Variants in SPIDR observed in about 807,000 individuals in gnomAD.
SPIDR encodes DNA repair-scaffolding protein.
A neutral mutation model predicts 104.6 loss-of-function variants in SPIDR; 93 were observed. The ratio of observed to expected loss-of-function variants is 0.89; its 90% CI spans 0.75 to 1.06. The LOEUF (loss-of-function observed/expected upper bound fraction) is 1.06. Ranked by LOEUF, SPIDR falls within the 50% of genes least tolerant of loss-of-function variation. SPIDR has a pLI of 0.00. For missense variants in SPIDR, 1,154 were observed against 1,111.2 expected (o/e 1.04, Z -0.55); for synonymous variants, 431 against 416.9 (o/e 1.03, Z -0.41).
At chr8:47,570,614 A>C (rs1368439941) in intron 8 of SPIDR, among the ~76,000 whole-genome samples, 1 of 152,228 alleles carries the variant, frequency 6.6e-6, no homozygotes, top group Non-Finnish European at 1.5e-5. Flanking sequence ...AAGAAAGTGA[A>C]AAGTTAACCC....
chr8:47,348,728 A>G (rs2154279863), intron 5 of SPIDR, among the ~76,000 whole-genome samples: 1 of 152,096 alleles, frequency 6.6e-6, no homozygotes, highest in Non-Finnish European at 1.5e-5. Flanking sequence ...TCTGTCTTCC[A>G]CTTCAATGAA....
In SPIDR at chr8:47,486,081, T is replaced by A. The variant is rs564458075; in HGVS notation, c.1097+45539T>A. Among the ~76,000 whole-genome samples the A allele has an allele frequency of 2.5e-4, 38 of 152,240 alleles. No homozygotes were observed. The East Asian group carries it at 6.0e-3, about 24-fold the overall frequency. Reference sequence around the variant, plus strand: ...AGCTAAAGGAAGAAGTTTGAACCCATCGCAAAGCAGCTAAAAACCTTGAAA... The same window carrying A: ...AGCTAAAGGAAGAAGTTTGAACCCAACGCAAAGCAGCTAAAAACCTTGAAA... On this transcript the variant is annotated intron_variant, in intron 8 of 19. Transcript: ENST00000297423.
At chr8:47,594,196 CAAAAAAAA>C (rs372928071) in intron 8 of SPIDR, among the ~76,000 whole-genome samples, 49 of 53,576 alleles carry the variant, frequency 9.1e-4, no homozygotes, top group Middle Eastern at 0.016. Context: ...CCAGTCTCTA[CAAAAAAAA>C]AAAAAAAAAA....
At position 47,703,636 on chromosome 8, in the gene SPIDR, AT is replaced by A. The variant is rs1431680372; in HGVS notation, c.1977+1626del. Among the ~76,000 whole-genome samples the A allele has an allele frequency of 2.6e-5, 4 of 152,218 alleles. No homozygotes were observed. The East Asian group carries it at 7.7e-4, about 29-fold the overall frequency. On this transcript the variant is annotated intron_variant, in intron 14 of 19. Coordinates refer to ENST00000297423, the MANE Select transcript of SPIDR (RefSeq NM_001080394.4). ...GACACCAAAATTTGAATTTAACTTA[AT>A]TTTTACTTGTCACAAAATATTCTTA...
intron 5 of SPIDR, among the ~76,000 whole-genome samples, chr8:47,350,822 C>T (rs1230488095): frequency 6.6e-6 from 1 of 152,108 alleles, no homozygotes; most frequent in Non-Finnish European, 1.5e-5. Context: ...CCCCTTTATC[C>T]ACAGTTTGGT....
At chr8:47,329,452 T>C (rs1208122324) in intron 5 of SPIDR, among the ~76,000 whole-genome samples, 1 of 152,134 alleles carries the variant, frequency 6.6e-6, no homozygotes, top group African/African-American at 2.4e-5. Flanking sequence ...AAGTGGTCTG[T>C]CCACCTTGGC....
At chr8:47,422,557 C>T (rs782468106) in intron 7 of SPIDR, among the ~76,000 whole-genome samples, 15 of 152,230 alleles carry the variant, frequency 9.9e-5, no homozygotes, top group African/African-American at 2.2e-4. Flanking sequence ...TTGTGCTTCC[C>T]GGGTGAGGCG....
At chr8:47,484,169 A>AT (rs2154362889) in intron 8 of SPIDR, among the ~76,000 whole-genome samples, 1 of 152,352 alleles carries the variant, frequency 6.6e-6, no homozygotes, top group East Asian at 1.9e-4. Context: ...GTCACTTAAT[A>AT]AAGTGCGGAA....
At chr8:47,657,722 TA>T (rs1379013333) in intron 10 of SPIDR, among the ~76,000 whole-genome samples, 1 of 152,068 alleles carries the variant, frequency 6.6e-6, no homozygotes, top group East Asian at 1.9e-4. Context: ...ATTAACTCAA[TA>T]AAAATTTCAA....
intron 16 of SPIDR, among the ~76,000 whole-genome samples, chr8:47,718,211 G>A (rs939590648): frequency 6.6e-6 from 1 of 152,228 alleles, no homozygotes; most frequent in African/African-American, 2.4e-5. Flanking sequence ...TCCATGTGCA[G>A]TAGAGAGGGC....
intron 8 of SPIDR, among the ~76,000 whole-genome samples, chr8:47,536,200 T>C (rs1307242402): frequency 6.6e-6 from 1 of 152,130 alleles, no homozygotes; most frequent in Non-Finnish European, 1.5e-5. Context: ...CTCAATGTTA[T>C]TAAGATGTCA....
intron 2 of SPIDR, among the ~76,000 whole-genome samples, chr8:47,283,368 TG>T (rs1477765241): frequency 6.6e-6 from 1 of 152,220 alleles, no homozygotes; most frequent in Non-Finnish European, 1.5e-5. Context: ...TCTCTTATAT[TG>T]GTTTTGACTG....
At chr8:47,301,335 T>C (rs926256622) in intron 5 of SPIDR, among the ~76,000 whole-genome samples, 2 of 152,224 alleles carry the variant, frequency 1.3e-5, no homozygotes, top group African/African-American at 4.8e-5. Context: ...AGCCTATGTG[T>C]GTCTCTGCAC....
At chr8:47,710,782 A>G (rs1049732678) in intron 14 of SPIDR, among the ~76,000 whole-genome samples, 8 of 147,500 alleles carry the variant, frequency 5.4e-5, no homozygotes, top group African/African-American at 1.7e-4. Flanking sequence ...AATTTTTTTA[A>G]TTTTTTTTTT....
At chr8:47,403,799 T>G (rs2062283914) in intron 6 of SPIDR, among the ~76,000 whole-genome samples, 1 of 152,198 alleles carries the variant, frequency 6.6e-6, no homozygotes, top group South Asian at 2.1e-4. Flanking sequence ...ATAGATTCAA[T>G]GCCATCCCCA....
At chr8:47,678,600 G>C (rs1272752357) in intron 11 of SPIDR, among the ~76,000 whole-genome samples, 1 of 152,198 alleles carries the variant, frequency 6.6e-6, no homozygotes, top group Non-Finnish European at 1.5e-5. Flanking sequence ...CCACTTTGGA[G>C]GGGGTGCAGA....
chr8:47,623,653 A>T (rs1424466365), intron 10 of SPIDR, among the ~76,000 whole-genome samples: 1 of 152,238 alleles, frequency 6.6e-6, no homozygotes, highest in Non-Finnish European at 1.5e-5. Flanking sequence ...GCCATTACAT[A>T]ATGGTAAAGG....
intron 7 of SPIDR, among the ~76,000 whole-genome samples, chr8:47,420,693 C>T (rs1245044253): frequency 6.6e-6 from 1 of 152,146 alleles, no homozygotes; most frequent in Non-Finnish European, 1.5e-5. Flanking sequence ...TTAGTTGATG[C>T]AGTTTCTTCT....
intron 8 of SPIDR, among the ~76,000 whole-genome samples, chr8:47,526,375 A>G (rs2084990009): frequency 6.6e-6 from 1 of 152,222 alleles, no homozygotes. Flanking sequence ...CCTTACTGTT[A>G]CTTTGCTAGG....
Sources: gnomAD v4.1 joint callset for allele counts (sites outside exome capture counted in the v4.1 genomes callset) on GRCh38, gnomAD v4.1.1 for gene constraint, MANE v1.5 for transcripts, NCBI Gene and HGNC (gene_info 2026-07-23, HGNC 2026-07-21) for gene names.